The following TCTN3 variants were observed in gnomAD, a reference collection of about 807,000 sequenced individuals.
TCTN3 encodes the protein tectonic family member 3.
Under a neutral mutation model 71.3 loss-of-function variants are expected in TCTN3, and 57 were observed. The observed-to-expected ratio is 0.80, with a 90% CI of 0.65 to 1.00. The LOEUF is 1.00. Ranked by LOEUF, TCTN3 falls within the 50% of genes least tolerant of loss-of-function variation. TCTN3 has a pLI of 0.00. For synonymous variants in TCTN3, 258 were observed against 267.8 expected, an observed-to-expected ratio of 0.96 and a Z score of 0.36; for missense variants, 696 against 719.9, an observed-to-expected ratio of 0.97 and a Z score of 0.38.
Position 95,687,134 on chromosome 10 carries a change from A to G in TCTN3, c.762T>C (p.Thr254=), listed in dbSNP as rs1225852304. 1 of 1,614,202 alleles carries G rather than the reference A, an allele frequency of 6.2e-7. No homozygotes were observed. Among genetic ancestry groups the G allele is most frequent in the Admixed American group, 1.7e-5 (1 of 60,028 alleles). ...CCAGGTTCTTGAAAAAACGAGTGCA[A>G]GTTGTACTTTTACTCTCTAGGAAAC... ...PAGFLESKST[T]CTRFFKNLAS... The change falls in exon 6 of 14, where the codon ACT becomes ACC. Residue 254 remains threonine, a synonymous_variant. Transcript: ENST00000371217.
At position 95,687,587 on chromosome 10, in the gene TCTN3, C is replaced by A; in HGVS notation, c.627+5G>T. 2 of 1,612,678 alleles carry A rather than the reference C, an allele frequency of 1.2e-6. No homozygotes were observed. Among genetic ancestry groups the A allele is most frequent in the Non-Finnish European group, 1.7e-6 (2 of 1,179,682 alleles). On this transcript the variant is annotated splice_donor_5th_base_variant and intron_variant, in intron 4 of 13. Coordinates refer to ENST00000371217, the MANE Select transcript of TCTN3 (RefSeq NM_015631.6). The stretch of plus-strand genomic sequence containing the variant: ...AAACAATCCCATCCCCTTCCCCAGG[C>A]TCACCCTGTAAAAAGATGGTGGTGA...
At chr10:95,681,977 T>G (rs183576649) in intron 12 of TCTN3, among the ~76,000 whole-genome samples, 2 of 139,788 alleles carry the variant, frequency 1.4e-5, no homozygotes, top group Non-Finnish European at 3.1e-5. Context: ...GGAGGATCAC[T>G]TGAGCCCAGG....
At chr10:95,675,344 C>T (rs571274241) in intron 13 of TCTN3, among the ~76,000 whole-genome samples, 8 of 152,168 alleles carry the variant, frequency 5.3e-5, no homozygotes, top group East Asian at 1.9e-4. Flanking sequence ...CCATCTGTCT[C>T]GGCTTCCAAA....
chr10:95,682,868 C>G (rs774068443), intron 11 of TCTN3, 64 bp from the exon 12 acceptor site: 1 of 1,525,518 alleles, frequency 6.6e-7, no homozygotes, highest in African/African-American at 1.4e-5. Context: ...TATATTAGTA[C>G]GGTATGTTAA....
intron 9 of TCTN3, among the ~76,000 whole-genome samples, chr10:95,683,854 C>A (rs2097945653): frequency 6.6e-6 from 1 of 152,126 alleles, no homozygotes; most frequent in South Asian, 2.1e-4. Flanking sequence ...TAATACGCTA[C>A]TTTTACCAAG....
At chr10:95,685,844 A>T (rs1037198035) in intron 7 of TCTN3, among the ~76,000 whole-genome samples, 1 of 152,218 alleles carries the variant, frequency 6.6e-6, no homozygotes, top group African/African-American at 2.4e-5. Flanking sequence ...AGTTCTATTA[A>T]ATATAAAACA....
chr10:95,669,731 A>G (rs2097929008), intron 13 of TCTN3, among the ~76,000 whole-genome samples: 1 of 152,166 alleles, frequency 6.6e-6, no homozygotes, highest in Non-Finnish European at 1.5e-5. Flanking sequence ...ATAATAAGAG[A>G]TTAATAAATC....
chr10:95,676,341 G>A (rs193086022), intron 13 of TCTN3, among the ~76,000 whole-genome samples: 5 of 149,128 alleles, frequency 3.4e-5, no homozygotes, highest in South Asian at 2.1e-4. Flanking sequence ...TGCAACCTCC[G>A]TCTCACGGGT....
At chr10:95,685,441 T>TA in intron 8 of TCTN3, 115 bp downstream of exon 8, 1 of 743,790 alleles carries the variant, frequency 1.3e-6, no homozygotes, top group Non-Finnish European at 2.1e-6. Flanking sequence ...CCAACATTGT[T>TA]AGAGAATGCA....
chr10:95,686,509 G>C lies in TCTN3; in HGVS notation c.874C>G (p.Pro292Ala), dbSNP rs776753595. 6.2e-7 allele frequency: 1 copy of C among 1,613,888 alleles called. No individual in the cohort carries two copies. Among genetic ancestry groups the C allele is most frequent in the South Asian group, 1.1e-5 (1 of 91,060 alleles). ...CAGCATCATACCTCCATATTCTGTG[G>C]ATCAGTCATGCTTCTTGGAACCTAG... is the stretch of plus-strand genomic sequence containing the variant. Reference protein sequence around the residue: ...VLKVPRSMTDPQNMEFQVPVI... With the variant: ...VLKVPRSMTDAQNMEFQVPVI... The change falls in exon 7 of 14, where the codon CCA becomes GCA. Residue 292 changes from proline to alanine, a missense_variant. By Grantham distance (27) the Pro-to-Ala change is conservative (BLOSUM62 -1). Coordinates refer to ENST00000371217, the MANE Select transcript of TCTN3 (RefSeq NM_015631.6).
intron 3 of TCTN3, among the ~76,000 whole-genome samples, chr10:95,688,989 G>C (rs1566075709): frequency 1.3e-5 from 2 of 152,280 alleles, no homozygotes; most frequent in East Asian, 3.9e-4. Context: ...GAGTAAAAGA[G>C]GTTACAATAC....
In TCTN3 at chr10:95,693,012, T is replaced by C; in HGVS notation, c.407A>G (p.Asn136Ser). 4 of 1,613,470 alleles carry C rather than the reference T, an allele frequency of 2.5e-6. No individual in the cohort carries two copies. Among genetic ancestry groups the C allele is most frequent in the East Asian group, 2.2e-5 (1 of 44,862 alleles). The change falls in exon 3 of 14, where the codon AAC becomes AGC. Residue 136 changes from asparagine to serine, a missense_variant. Transcript: ENST00000371217. ...VRSSSWVCVD[N>S]SVIFRSNSPF... is the part of the protein sequence containing the mutation. ...GGAATTACTCCTGAAGATAACAGAGTTGTCTACACAAACCCAGCTTGAAGA... is the reference window on the plus strand; with the variant it reads ...GGAATTACTCCTGAAGATAACAGAGCTGTCTACACAAACCCAGCTTGAAGA...
intron 13 of TCTN3, among the ~76,000 whole-genome samples, chr10:95,674,964 T>A (rs956155407): frequency 1.3e-5 from 2 of 152,242 alleles, no homozygotes; most frequent in African/African-American, 4.8e-5. Context: ...TGAAAATCTT[T>A]AAATTCCCTA....
intron 13 of TCTN3, among the ~76,000 whole-genome samples, chr10:95,678,667 G>A (rs1425647016): frequency 6.6e-6 from 1 of 151,962 alleles, no homozygotes; most frequent in African/African-American, 2.4e-5. Context: ...CTGACTTCTG[G>A]AGAAAATTTG....
intron 13 of TCTN3, among the ~76,000 whole-genome samples, chr10:95,677,954 T>C (rs1426031265): frequency 6.6e-6 from 1 of 152,232 alleles, no homozygotes; most frequent in African/African-American, 2.4e-5. Context: ...AAATGCTTTG[T>C]GGGCCAAACA....
In TCTN3 at chr10:95,683,214, G is replaced by A; in HGVS notation, c.1204-19C>T. 6.2e-7 allele frequency: 1 copy of A among 1,605,364 alleles called. No homozygotes were observed. The highest frequency in any genetic ancestry group is 8.5e-7 in the Non-Finnish European group (1 of 1,174,182). ...GGGTCATCCAAGGTGGAAAAGTGATGATCAAGGACATCATAACAGAAAAAA... is the reference window on the plus strand; with the variant it reads ...GGGTCATCCAAGGTGGAAAAGTGATAATCAAGGACATCATAACAGAAAAAA... On this transcript the variant is annotated intron_variant, in intron 10 of 13. Coordinates refer to ENST00000371217, the MANE Select transcript of TCTN3 (RefSeq NM_015631.6).
intron 13 of TCTN3, among the ~76,000 whole-genome samples, chr10:95,673,694 T>C (rs2097933910): frequency 6.6e-6 from 1 of 152,016 alleles, no homozygotes; most frequent in African/African-American, 2.4e-5. Context: ...TATTAAATAG[T>C]TGGGCATGGT....
At position 95,680,495 on chromosome 10, in the gene TCTN3, G is replaced by A. The variant is rs150579201; in HGVS notation, c.1567C>T (p.Leu523=). Residue 523 remains leucine, a synonymous_variant, in exon 13 of 14, where the codon CTA becomes TTA. Coordinates refer to ENST00000371217, the MANE Select transcript of TCTN3 (RefSeq NM_015631.6). ...PQAHVSGVRF[L]YQCQSIQDSQ... ...ACCTGTATAGACTGGCACTGGTATA[G>A]GAATCGAACTCCTGATACATGAGCT... 73 of 1,614,096 alleles carry A rather than the reference G, an allele frequency of 4.5e-5. No individual in the cohort carries two copies. The African/African-American group carries it at 9.3e-4, about 21-fold the overall frequency.
At chr10:95,667,675 A>G (rs555175667) in intron 13 of TCTN3, among the ~76,000 whole-genome samples, 5 of 152,326 alleles carry the variant, frequency 3.3e-5, no homozygotes, top group African/African-American at 9.6e-5. Context: ...AAAATGGGGA[A>G]TTATCCCTTC....
Sources: allele counts gnomAD v4.1 joint callset (sites outside exome capture counted in the v4.1 genomes callset), GRCh38; gene constraint gnomAD v4.1.1; transcripts MANE v1.5; gene names NCBI Gene and HGNC (gene_info 2026-07-23, HGNC 2026-07-21).